NEDD1: variants seen among roughly 807,000 people sequenced by gnomAD.
The protein encoded by NEDD1 is NEDD1 gamma-tubulin ring complex targeting factor, also known as protein NEDD1.
In NEDD1, 33 loss-of-function variants were observed where a neutral mutation model predicts 74.0. The ratio of observed to expected loss-of-function variants is 0.45; its 90% CI spans 0.34 to 0.60. NEDD1 has a LOEUF of 0.60. Ranked by LOEUF, NEDD1 falls within the 20% of genes least tolerant of loss-of-function variation. NEDD1 has a pLI of 0.01. For missense variants in NEDD1, 746 were observed against 776.5 expected (o/e 0.96, Z 0.47); for synonymous variants, 250 against 264.4 (o/e 0.95, Z 0.53).
chr12:96,918,187 G>C (rs1874679544), intron 5 of NEDD1, among the ~76,000 whole-genome samples: 1 of 151,244 alleles, frequency 6.6e-6, no homozygotes, highest in African/African-American at 2.4e-5. Flanking sequence ...TTGTGTGTGT[G>C]TGTTTGTATT....
intron 5 of NEDD1, among the ~76,000 whole-genome samples, chr12:96,918,553 A>G (rs558538908): frequency 1.3e-5 from 2 of 152,054 alleles, no homozygotes; most frequent in Non-Finnish European, 2.9e-5. Flanking sequence ...ATTACTCTGG[A>G]TGGTTTTCTG....
In NEDD1 at chr12:96,914,449, A is replaced by G. The variant is rs556190516; in HGVS notation, c.231+1632A>G. On this transcript the variant is annotated intron_variant, in intron 4 of 15. Coordinates refer to ENST00000266742, the MANE Select transcript of NEDD1 (RefSeq NM_152905.4). Reference sequence around the variant, plus strand: ...CTCTTTCCCATAGTTAACAAATTGTATCATAATGCTGTTGGATAAAAGTAA... The same window carrying G: ...CTCTTTCCCATAGTTAACAAATTGTGTCATAATGCTGTTGGATAAAAGTAA... Among the ~76,000 whole-genome samples the G allele has an allele frequency of 3.3e-5, 5 of 152,312 alleles. No homozygotes were observed. In the East Asian group the frequency reaches 9.6e-4, roughly 29 times the overall value.
At chr12:96,910,710 G>T (rs1285503896) in intron 3 of NEDD1, among the ~76,000 whole-genome samples, 2 of 152,130 alleles carry the variant, frequency 1.3e-5, no homozygotes, top group South Asian at 2.1e-4. Context: ...TTCCAGAATT[G>T]CCTGAATCAC....
intron 6 of NEDD1, among the ~76,000 whole-genome samples, chr12:96,926,016 TA>T (rs1875652056): frequency 6.6e-6 from 1 of 152,014 alleles, no homozygotes; most frequent in Non-Finnish European, 1.5e-5. Context: ...GTGAGAATAA[TA>T]TACTTTCAAA....
chr12:96,929,607 GTA>G (rs71078437), intron 6 of NEDD1, among the ~76,000 whole-genome samples: 14 of 83,196 alleles, frequency 1.7e-4, no homozygotes, highest in African/African-American at 4.9e-4. Context: ...ACACATATGT[GTA>G]TATATATATA....
chr12:96,921,685 A>G (rs1397954981), intron 6 of NEDD1, among the ~76,000 whole-genome samples: 2 of 150,806 alleles, frequency 1.3e-5, no homozygotes, highest in Admixed American at 1.3e-4. Context: ...TTTCTTAGAG[A>G]GTCTTACTCT....
At chr12:96,930,637 G>C (rs375177708) in intron 6 of NEDD1, among the ~76,000 whole-genome samples, 2 of 152,130 alleles carry the variant, frequency 1.3e-5, no homozygotes, top group African/African-American at 4.8e-5. Flanking sequence ...GTTCAGCTGT[G>C]GTTCAGCCTT....
intron 5 of NEDD1, among the ~76,000 whole-genome samples, chr12:96,919,644 A>G (rs1032799784): frequency 5.9e-5 from 9 of 152,108 alleles, no homozygotes; most frequent in African/African-American, 2.2e-4. Flanking sequence ...TTCCTCTGAC[A>G]CTTTGCTTCC....
At chr12:96,951,761 C>A (rs773938333) in intron 15 of NEDD1, among the ~76,000 whole-genome samples, 188 bp from the exon 16 acceptor site, 45 of 151,672 alleles carry the variant, frequency 3.0e-4, no homozygotes, top group Non-Finnish European at 5.5e-4. Context: ...ATAAATTTTC[C>A]AAATATACTA....
chr12:96,945,429 A>G (rs1048626951), intron 13 of NEDD1, among the ~76,000 whole-genome samples: 2 of 152,102 alleles, frequency 1.3e-5, no homozygotes, highest in African/African-American at 4.8e-5. Context: ...GAAATGGTTC[A>G]TAGATTCTTC....
In NEDD1 at chr12:96,917,703, A is replaced by T. The variant is rs1874617272; in HGVS notation, c.314A>T (p.Asp105Val). The T allele has an allele frequency of 6.4e-7, 1 of 1,559,744 alleles. No individual in the cohort carries two copies. Among genetic ancestry groups the T allele is most frequent in the African/African-American group, 1.4e-5 (1 of 70,918 alleles). The change falls in exon 5 of 16, where the codon GAT (aspartate) becomes GTT (valine). Residue 105 changes from aspartate (D) to valine (V), a missense_variant. Asp to Val is a radical substitution (Grantham distance 152, BLOSUM62 -3). This residue lies in a region of NEDD1 where 706 missense variants were observed against 706.7 expected (regional missense o/e 1.00). Transcript: ENST00000266742. ...CTAAATAACACTGTTAATATTTGGG[A>T]TTTAAAATCAAAAAGAGTTCATCGA... ...GGLNNTVNIW[D>V]LKSKRVHRSL...
intron 12 of NEDD1, among the ~76,000 whole-genome samples, chr12:96,944,136 A>AAT (rs1034884932): frequency 7.9e-5 from 12 of 151,604 alleles, no homozygotes; most frequent in Admixed American, 2.0e-4. Flanking sequence ...TTTCTGCTAA[A>AAT]ATATATATAT....
intron 6 of NEDD1, among the ~76,000 whole-genome samples, chr12:96,923,705 G>A (rs1011356344): frequency 2.0e-5 from 3 of 151,614 alleles, no homozygotes; most frequent in Admixed American, 6.6e-5. Context: ...CTTATGTATT[G>A]CAGGTAGATT....
intron 14 of NEDD1, 106 bp downstream of exon 14, chr12:96,945,955 T>C: frequency 1.5e-6 from 1 of 677,768 alleles, no homozygotes; most frequent in East Asian, 2.5e-5. Context: ...GTCTAGGTTC[T>C]GGTAATCCTA....
chr12:96,944,972 G>T (rs889501088), intron 13 of NEDD1, among the ~76,000 whole-genome samples, 177 bp downstream of exon 13: 3 of 152,040 alleles, frequency 2.0e-5, no homozygotes, highest in African/African-American at 7.2e-5. Context: ...GATATGAATC[G>T]TTAAATTCAG....
intron 6 of NEDD1, among the ~76,000 whole-genome samples, chr12:96,929,627 T>A (rs116695984): frequency 0.098 from 10,213 of 104,566 alleles, 577 homozygotes; most frequent in Non-Finnish European, 0.14. Flanking sequence ...ATATATATTT[T>A]TTTTTTAATG....
chr12:96,913,848 A>G (rs765980093), intron 4 of NEDD1, among the ~76,000 whole-genome samples: 2 of 152,154 alleles, frequency 1.3e-5, no homozygotes, highest in African/African-American at 4.8e-5. Context: ...CAGATCTTAA[A>G]TTATTATGAA....
chr12:96,913,785 TAAAA>T (rs955904107), intron 4 of NEDD1, among the ~76,000 whole-genome samples: 1 of 152,162 alleles, frequency 6.6e-6, no homozygotes, highest in East Asian at 1.9e-4. Context: ...AAGATTTAAA[TAAAA>T]AGATATGGTA....
In NEDD1 at chr12:96,939,122, A is replaced by G. The variant is rs146832162; in HGVS notation, c.1118-1287A>G. Among the ~76,000 whole-genome samples the G allele has an allele frequency of 1.0e-3, 155 of 152,186 alleles. 2 individuals carry two copies. Among genetic ancestry groups the G allele is most frequent in the African/African-American group, 3.6e-3 (149 of 41,554 alleles). On this transcript the variant is annotated intron_variant, in intron 9 of 15. Coordinates refer to ENST00000266742, the MANE Select transcript of NEDD1 (RefSeq NM_152905.4). ...TCACTATTATTATTTTAAGCTTTGT[A>G]TAAAATTAAAGTTCAGAAAAAAATT... is the stretch of plus-strand genomic sequence containing the variant.
Sources: gnomAD v4.1 joint callset for allele counts (sites outside exome capture counted in the v4.1 genomes callset) on GRCh38, gnomAD v4.1.1 for gene constraint, gnomAD v4.1.1 regional missense constraint, MANE v1.5 for transcripts, NCBI Gene and HGNC (gene_info 2026-07-23, HGNC 2026-07-21) for gene names.